PHACTR2: variants seen among roughly 807,000 people sequenced by gnomAD.
PHACTR2 encodes the protein phosphatase and actin regulator 2, also known as chromosome 6 open reading frame 56.
A neutral mutation model predicts 76.0 loss-of-function variants in PHACTR2; 30 were observed. The ratio of observed to expected loss-of-function variants is 0.39; its 90% CI spans 0.30 to 0.54. The LOEUF is 0.54. Ranked by LOEUF, PHACTR2 falls within the 20% of genes least tolerant of loss-of-function variation. The probability of loss-of-function intolerance (pLI) is 0.61; values close to 1 mark genes in which losing one functional copy is unlikely to be tolerated. For missense variants in PHACTR2, 696 were observed against 781.1 expected, an observed-to-expected ratio of 0.89 and a Z score of 1.30; for synonymous variants, 292 against 292.5, an observed-to-expected ratio of 1.00 and a Z score of 0.02.
chr6:143,827,171 T>A lies in PHACTR2; in HGVS notation c.*3482T>A, dbSNP rs1475041425. 100 of 100,884 alleles carry A rather than the reference T, an allele frequency of 9.9e-4. 1 individual carries two copies. The highest frequency in any genetic ancestry group is 1.6e-3 in the Non-Finnish European group (78 of 48,626). The allele number at this position is 100,884 out of a possible 1,614,324, so 6.2% of individuals were successfully genotyped here. A position where few individuals can be genotyped will look rare whatever the true frequency, so the allele number is the denominator to read the frequency against. On this transcript the variant is annotated 3_prime_UTR_variant, in exon 13 of 13. Coordinates refer to ENST00000440869, the MANE Select transcript of PHACTR2 (RefSeq NM_001100164.2). The stretch of plus-strand genomic sequence containing the variant: ...AAAAAAGAAAATATATATATATATA[T>A]ATATATATATATATATATATATATA...
rs560038523 is a variant in PHACTR2, at chr6:143,671,878, T to C, written c.14-40138T>C. Among the ~76,000 whole-genome samples, 100 of 152,218 alleles carry C rather than the reference T, an allele frequency of 6.6e-4. No homozygotes were observed. The highest frequency in any genetic ancestry group is 2.4e-3 in the African/African-American group (99 of 41,526). ...AACAAACTTTTGTATAGCCATACAA[T>C]GGAAGGCAACCTAGAACAAAAAGGA... is the stretch of plus-strand genomic sequence containing the variant. On this transcript the variant is annotated intron_variant, in intron 1 of 11. Transcript: ENST00000305766. This position sits in a 1 kb window ranked among gnomAD's most constrained non-coding sequence, Gnocchi z 4.6.
chr6:143,605,003 T>G (rs929004741), upstream of PHACTR2, among the ~76,000 whole-genome samples: 1 of 151,582 alleles, frequency 6.6e-6, no homozygotes, highest in Non-Finnish European at 1.5e-5. This position sits in a 1 kb window ranked among gnomAD's most constrained non-coding sequence, Gnocchi z 5.0. Flanking sequence ...GTTTTTTTTT[T>G]TGTAGAAAGA....
intron 10 of PHACTR2, 91 bp from the exon 11 acceptor site, chr6:143,788,682 C>A: frequency 1.1e-6 from 1 of 891,814 alleles, no homozygotes; most frequent in Non-Finnish European, 1.6e-6. Flanking sequence ...CTTATTTAAC[C>A]ATAACTTTGA....
intron 2 of PHACTR2, among the ~76,000 whole-genome samples, chr6:143,735,844 T>C (rs9390131): frequency 0.17 from 25,793 of 152,146 alleles, 2,704 homozygotes; most frequent in South Asian, 0.25. Context: ...AATTTCTATA[T>C]GTGTAGCATT....
intron 7 of PHACTR2, among the ~76,000 whole-genome samples, chr6:143,773,712 A>C (rs1257674441): frequency 6.6e-6 from 1 of 152,244 alleles, no homozygotes; most frequent in Non-Finnish European, 1.5e-5. Context: ...TAAGTTTTTT[A>C]AACTTGAAAA....
chr6:143,604,906 G>GA (rs1237146667), upstream of PHACTR2, among the ~76,000 whole-genome samples: 3 of 148,842 alleles, frequency 2.0e-5, no homozygotes, highest in Admixed American at 6.7e-5. Context: ...AAAAAAAAGA[G>GA]AAAAAAAAGA....
At chr6:143,744,966 G>A (rs1265973633) in intron 2 of PHACTR2, among the ~76,000 whole-genome samples, 3 of 152,164 alleles carry the variant, frequency 2.0e-5, no homozygotes, top group Non-Finnish European at 4.4e-5. Flanking sequence ...AAGCTCTTAT[G>A]CTTTTCCAGT....
At position 143,789,352 on chromosome 6, in the gene PHACTR2, C is replaced by G. The variant is rs1582882900; in HGVS notation, c.1845+442C>G. ...CTTTGTTGCAACTGCCCAGTTCTGC[C>G]ATTGTAGCATGAAAACAGCCACAGA... On this transcript the variant is annotated intron_variant, in intron 11 of 12. Transcript: ENST00000440869. The surrounding 1 kb of genome is among the most constrained non-coding windows in gnomAD (Gnocchi z 5.1). The G allele has an allele frequency of 6.4e-6, 1 of 155,818 alleles. No homozygotes were observed. Among genetic ancestry groups the G allele is most frequent in the Non-Finnish European group, 1.4e-5 (1 of 69,868 alleles). The allele number at this position is 155,818 out of a possible 1,614,324, so 9.7% of individuals were successfully genotyped here.
Position 143,582,914 on chromosome 6 carries a change from A to G in PHACTR2, c.217+45707A>G, listed in dbSNP as rs75356190. On this transcript the variant is annotated intron_variant, in intron 1 of 11. Transcript: ENST00000367584. ...GAGGGATTCAGTTGTATTGAAAGAA[A>G]AAAGGCTACAGAGATTTTAGGTATA... 6.2e-3 allele frequency among the ~76,000 whole-genome samples: 944 copies of G among 152,362 alleles called. 22 individuals carry two copies. In the East Asian group the frequency reaches 0.09, roughly 15 times the overall value.
intron 12 of PHACTR2, among the ~76,000 whole-genome samples, chr6:143,808,780 A>T (rs1249871664): frequency 2.0e-5 from 3 of 151,980 alleles, no homozygotes; most frequent in Non-Finnish European, 4.4e-5. Context: ...TCCTGAATGG[A>T]TTTTTATCTA....
chr6:143,754,213 A>G lies in PHACTR2; in HGVS notation c.454+301A>G, dbSNP rs1400612927. The G allele has an allele frequency of 1.6e-5, 3 of 187,456 alleles. No homozygotes were observed. Among genetic ancestry groups the G allele is most frequent in the African/African-American group, 7.1e-5 (3 of 42,382 alleles). 11.6% of individuals were successfully genotyped at this position (187,456 alleles called of 1,614,324 possible). On this transcript the variant is annotated intron_variant, in intron 4 of 12. Transcript: ENST00000440869. This position sits in a 1 kb window ranked among gnomAD's most constrained non-coding sequence, Gnocchi z 6.2. ...ATGTCTGGGAAGATTATCCTTTCTT[A>G]GGAGCTTTGTCTCAGGATCATAATG...
rs1776228168 is a variant in PHACTR2, at chr6:143,624,925, G to A, written c.13+16603G>A. ...AATCCCAGTACTTTGGGAGGCCGAG[G>A]CGGGCGGATCATTTGAGGTCAGGAG... On this transcript the variant is annotated intron_variant, in intron 1 of 11. Transcript: ENST00000305766. The surrounding 1 kb of genome is among the most constrained non-coding windows in gnomAD (Gnocchi z 4.6). Among the ~76,000 whole-genome samples, 1 of 152,108 alleles carries A rather than the reference G, an allele frequency of 6.6e-6. No homozygotes were observed. Among genetic ancestry groups the A allele is most frequent in the Non-Finnish European group, 1.5e-5 (1 of 68,004 alleles).
chr6:143,666,519 C>T (rs1190854577), intron 1 of PHACTR2, among the ~76,000 whole-genome samples: 1 of 152,222 alleles, frequency 6.6e-6, no homozygotes, highest in Non-Finnish European at 1.5e-5. Context: ...TCCCATGTTT[C>T]CACAACCTCT....
chr6:143,677,545 G>A (rs1777273127), upstream of PHACTR2, among the ~76,000 whole-genome samples: 1 of 152,068 alleles, frequency 6.6e-6, no homozygotes, highest in Non-Finnish European at 1.5e-5. Context: ...GAGGCCATTA[G>A]TGCCGTTTTT....
chr6:143,765,436 G>A lies in PHACTR2; in HGVS notation c.870G>A (p.Leu290=). Residue 290 remains leucine, a synonymous_variant, in exon 6 of 13, where the codon CTG becomes CTA. Transcript: ENST00000440869. This position sits in a 1 kb window ranked among gnomAD's most constrained non-coding sequence, Gnocchi z 4.1. ...KTDKQPITSH[L]SSDTTTSGTS... is the part of the protein sequence containing the mutation. ...ACAAGCAGCCAATAACTTCTCACCT[G>A]TCCTCAGACACAACAACTTCTGGCA... 6.2e-7 allele frequency: 1 copy of A among 1,614,186 alleles called. No individual in the cohort carries two copies. The highest frequency in any genetic ancestry group is 8.5e-7 in the Non-Finnish European group (1 of 1,180,038).
At chr6:143,693,070 C>T (rs1219701185) in intron 1 of PHACTR2, among the ~76,000 whole-genome samples, 1 of 152,148 alleles carries the variant, frequency 6.6e-6, no homozygotes, top group African/African-American at 2.4e-5. Context: ...ATAAGAACCC[C>T]ATTGGAGTAG....
rs1355142344 is a variant in PHACTR2 at position 143,800,709 on chromosome 6, T to C, written c.1846-6348T>C. Among the ~76,000 whole-genome samples the C allele has an allele frequency of 1.3e-5, 2 of 152,220 alleles. No individual in the cohort carries two copies. The highest frequency in any genetic ancestry group is 2.4e-5 in the African/African-American group (1 of 41,460). On this transcript the variant is annotated intron_variant, in intron 11 of 12. Coordinates refer to ENST00000440869, the MANE Select transcript of PHACTR2 (RefSeq NM_001100164.2). This position sits in a 1 kb window ranked among gnomAD's most constrained non-coding sequence, Gnocchi z 4.8. Reference sequence around the variant, plus strand: ...AGCCCATTTACATTTAAGGTTAATATTGTTATGTTTGAATTTGATCCTGTC... The same window carrying C: ...AGCCCATTTACATTTAAGGTTAATACTGTTATGTTTGAATTTGATCCTGTC...
intron 1 of PHACTR2, among the ~76,000 whole-genome samples, chr6:143,559,656 A>C (rs1409807514): frequency 1.3e-5 from 2 of 148,972 alleles, no homozygotes; most frequent in Admixed American, 6.7e-5. Context: ...CTAATACTAG[A>C]AATATCAATA....
intron 9 of PHACTR2, among the ~76,000 whole-genome samples, chr6:143,778,571 C>T (rs1775341477): frequency 6.6e-6 from 1 of 151,690 alleles, no homozygotes; most frequent in African/African-American, 2.4e-5. Context: ...AAATTCACGG[C>T]TAGAAAAGAA....
Sources: gnomAD v4.1 joint callset for allele counts (sites outside exome capture counted in the v4.1 genomes callset) on GRCh38, gnomAD v4.1.1 for gene constraint, Gnocchi (gnomAD v3.1) non-coding constraint, MANE v1.5 for transcripts, NCBI Gene and HGNC (gene_info 2026-07-23, HGNC 2026-07-21) for gene names.